Variants in GK5 observed in about 807,000 individuals in gnomAD.
GK5 encodes the protein glycerol kinase 5.
In GK5, 39 loss-of-function variants were observed where a neutral mutation model predicts 77.3. That is an observed-to-expected ratio of 0.50 (90% CI 0.39 to 0.66). The LOEUF (loss-of-function observed/expected upper bound fraction) is 0.66, where lower values mean the gene tolerates loss of function less well. Among genes scored for constraint, GK5 ranks in the 30% least tolerant of loss-of-function variants. The probability of loss-of-function intolerance (pLI) is 0.00; values close to 1 mark genes in which losing one functional copy is unlikely to be tolerated. For missense variants in GK5, 487 were observed against 633.8 expected, an observed-to-expected ratio of 0.77 and a Z score of 2.49; for synonymous variants, 211 against 208.0, an observed-to-expected ratio of 1.01 and a Z score of -0.13.
chr3:142,211,225 G>A (rs921190265), intron 3 of GK5, among the ~76,000 whole-genome samples: 1 of 152,194 alleles, frequency 6.6e-6, no homozygotes, highest in African/African-American at 2.4e-5. Flanking sequence ...CATCTAGTGG[G>A]TAGAGGCCAG....
intron 1 of GK5, among the ~76,000 whole-genome samples, chr3:142,218,914 C>T (rs1019508007): frequency 2.0e-5 from 3 of 152,058 alleles, no homozygotes; most frequent in African/African-American, 4.8e-5. Flanking sequence ...AAACAAAGAA[C>T]TCAATTTGAA....
chr3:142,186,046 A>C (rs928081209), intron 8 of GK5, 57 bp from the exon 9 acceptor site: 1 of 1,424,900 alleles, frequency 7.0e-7, no homozygotes, highest in African/African-American at 1.4e-5. Context: ...TAGTTTTAAA[A>C]CTCAGCAAAT....
At chr3:142,196,326 A>G (rs527685848) in intron 5 of GK5, among the ~76,000 whole-genome samples, 95 of 151,286 alleles carry the variant, frequency 6.3e-4, no homozygotes, top group Non-Finnish European at 1.1e-3. Flanking sequence ...TTCTAATTCC[A>G]TTATTTCTTT....
chr3:142,188,322 G>C (rs185818080), intron 5 of GK5, among the ~76,000 whole-genome samples: 11 of 152,290 alleles, frequency 7.2e-5, no homozygotes, highest in Admixed American at 5.9e-4. Flanking sequence ...ATGAGGTCAG[G>C]AGATTGAGAC....
Position 142,187,759 on chromosome 3 carries a change from T to C in GK5, c.564A>G (p.Glu188=), listed in dbSNP as rs774693676. 7.4e-6 allele frequency: 12 copies of C among 1,612,634 alleles called. No homozygotes were observed. The highest frequency in any genetic ancestry group is 7.6e-6 in the Non-Finnish European group (9 of 1,179,580). Residue 188 remains glutamate, a synonymous_variant, in exon 6 of 16, where the codon GAA becomes GAG. Transcript: ENST00000392993. ...CAATAGTCCCAAAGCAGCAATTTTC[T>C]TCTTCAACTGCCTTTTGCACCTTGA... ...NLTEVQKAVE[E]ENCCFGTIDT... is the part of the protein sequence containing the mutation.
chr3:142,199,560 T>A (rs2063987231), intron 4 of GK5, among the ~76,000 whole-genome samples: 2 of 152,200 alleles, frequency 1.3e-5, no homozygotes, highest in Admixed American at 1.3e-4. Context: ...AGCTTTTTTC[T>A]TTCCTATTAG....
chr3:142,206,557 A>G (rs146246001), intron 3 of GK5, among the ~76,000 whole-genome samples: 2 of 152,294 alleles, frequency 1.3e-5, no homozygotes, highest in African/African-American at 2.4e-5. Context: ...CCATCTGTGT[A>G]TTACTCAAGT....
chr3:142,175,289 G>A (rs2063592792), intron 12 of GK5, among the ~76,000 whole-genome samples: 1 of 152,128 alleles, frequency 6.6e-6, no homozygotes, highest in Non-Finnish European at 1.5e-5. Context: ...GCCACCCCCA[G>A]TGTATGGCTC....
rs1310041068 is a variant in GK5 at position 142,163,606 on chromosome 3, G to A, written c.*2016C>T. On this transcript the variant is annotated 3_prime_UTR_variant, in exon 16 of 16. Transcript: ENST00000392993. ...TCCTTTATTTTGTGGTTATATGTTG[G>A]GAAAGAAGAACGTGGAAAAGAAGTG... The A allele has an allele frequency of 6.6e-6, 1 of 151,968 alleles. No homozygotes were observed. Among genetic ancestry groups the A allele is most frequent in the African/African-American group, 2.4e-5 (1 of 41,362 alleles). The allele number at this position is 151,968 out of a possible 1,614,324, so 9.4% of individuals were successfully genotyped here.
At chr3:142,202,862 A>C (rs1258273481) in intron 4 of GK5, among the ~76,000 whole-genome samples, 1 of 152,136 alleles carries the variant, frequency 6.6e-6, no homozygotes, top group Non-Finnish European at 1.5e-5. Context: ...GAGGCTGAGG[A>C]AGGAGAATTG....
chr3:142,193,722 G>A (rs999058110), intron 5 of GK5, among the ~76,000 whole-genome samples: 2 of 151,884 alleles, frequency 1.3e-5, no homozygotes, highest in South Asian at 2.1e-4. Flanking sequence ...TGATGTTTTT[G>A]TAAATGAAAC....
Position 142,163,164 on chromosome 3 carries a change from T to C in GK5, c.*2458A>G, listed in dbSNP as rs2063438332. The C allele has an allele frequency of 1.3e-5, 2 of 152,086 alleles. No individual in the cohort carries two copies. The highest frequency in any genetic ancestry group is 4.8e-5 in the African/African-American group (2 of 41,414). 9.4% of individuals were successfully genotyped at this position (152,086 alleles called of 1,614,324 possible). ...GGCCACAAATATTAAAAATAAAATA[T>C]TAGTTTTTAGATTCACAGAAGAAAA... On this transcript the variant is annotated 3_prime_UTR_variant, in exon 16 of 16. Transcript: ENST00000392993.
intron 9 of GK5, among the ~76,000 whole-genome samples, chr3:142,184,336 T>C (rs2063739438): frequency 6.6e-6 from 1 of 150,654 alleles, no homozygotes; most frequent in Non-Finnish European, 1.5e-5. Flanking sequence ...ATTTTTTTCA[T>C]TTTCAACTAA....
chr3:142,172,864 ACTTTT>A (rs1355717065), intron 12 of GK5, among the ~76,000 whole-genome samples: 1 of 152,182 alleles, frequency 6.6e-6, no homozygotes, highest in Non-Finnish European at 1.5e-5. Context: ...ACAAAAATGT[ACTTTT>A]TAGTGTCATA....
chr3:142,185,206 G>A lies in GK5; in HGVS notation c.816+723C>T, dbSNP rs545439913. 6 of 679,248 alleles carry A rather than the reference G, an allele frequency of 8.8e-6. No individual in the cohort carries two copies. In the South Asian group the frequency reaches 2.7e-4, roughly 30 times the overall value. 42.1% of individuals were successfully genotyped at this position (679,248 alleles called of 1,614,324 possible). A position where few individuals can be genotyped will look rare whatever the true frequency, so the allele number is the denominator to read the frequency against. ...GGTGGCAGAAGGCCCCAGTCTAGGAGTTCGAGATCAGCCAGGGGAACACAG... is the reference window on the plus strand; with the variant it reads ...GGTGGCAGAAGGCCCCAGTCTAGGAATTCGAGATCAGCCAGGGGAACACAG... On this transcript the variant is annotated intron_variant, in intron 9 of 15. Transcript: ENST00000392993.
intron 13 of GK5, 24 bp downstream of exon 13, chr3:142,172,329 G>T: frequency 9.0e-7 from 1 of 1,111,928 alleles, no homozygotes; most frequent in South Asian, 1.4e-5. Context: ...TGGGGAAGGG[G>T]AAGTTTAGGG....
chr3:142,175,936 T>A (rs1254108876), intron 12 of GK5, among the ~76,000 whole-genome samples: 1 of 151,240 alleles, frequency 6.6e-6, no homozygotes, highest in Non-Finnish European at 1.5e-5. Context: ...GACTACTAAG[T>A]CCTGTAGCAC....
In GK5 at chr3:142,225,578, A is replaced by G. The variant is rs2064420893; in HGVS notation, c.-123T>C. On this transcript the variant is annotated 5_prime_UTR_variant, in exon 1 of 16. Transcript: ENST00000392993. ...AACCCGGCTCAGCCGGAGAGCCTAG[A>G]GAGGCCTGGCCCCTGCCGCCGGCTC... 7.8e-7 allele frequency: 1 copy of G among 1,281,432 alleles called. No homozygotes were observed. Among genetic ancestry groups the G allele is most frequent in the Non-Finnish European group, 1.0e-6 (1 of 962,604 alleles). The allele number at this position is 1,281,432 out of a possible 1,614,324, so 79.4% of individuals were successfully genotyped here. A position where few individuals can be genotyped will look rare whatever the true frequency, so the allele number is the denominator to read the frequency against.
At chr3:142,191,232 A>G (rs938238202) in intron 5 of GK5, among the ~76,000 whole-genome samples, 42 of 151,878 alleles carry the variant, frequency 2.8e-4, no homozygotes, top group Non-Finnish European at 5.6e-4. Context: ...GTTTCACCAT[A>G]TTGGCCAGAC....
Sources: allele counts gnomAD v4.1 joint callset (sites outside exome capture counted in the v4.1 genomes callset), GRCh38; gene constraint gnomAD v4.1.1; transcripts MANE v1.5; gene names NCBI Gene and HGNC (gene_info 2026-07-23, HGNC 2026-07-21).